The following ABCG8 variants were observed in gnomAD, a reference collection of about 807,000 sequenced individuals.
The protein encoded by ABCG8 is ATP binding cassette subfamily G member 8.
In ABCG8, 81 loss-of-function variants were observed where a neutral mutation model predicts 71.3. That is an observed-to-expected ratio of 1.14 (90% CI 0.95 to 1.37). ABCG8 has a LOEUF of 1.37. Ranked by LOEUF, ABCG8 falls within the 40% of genes most tolerant of loss-of-function variation. ABCG8 has a pLI of 0.00. For synonymous variants in ABCG8, 451 were observed against 354.7 expected, an observed-to-expected ratio of 1.27 and a Z score of -3.05; for missense variants, 1,119 against 866.2, an observed-to-expected ratio of 1.29 and a Z score of -3.66.
At chr2:43,863,254 G>A (rs1487453648) in intron 6 of ABCG8, among the ~76,000 whole-genome samples, 2 of 135,428 alleles carry the variant, frequency 1.5e-5, no homozygotes, top group East Asian at 4.3e-4. Context: ...TCTCACCATC[G>A]GGATAGAATT....
intron 2 of ABCG8, 103 bp from the exon 3 acceptor site, chr2:43,846,052 C>T: frequency 7.9e-7 from 1 of 1,264,164 alleles, no homozygotes; most frequent in Non-Finnish European, 1.2e-6. Flanking sequence ...GACATATCCT[C>T]TGTGGAGAGG....
intron 3 of ABCG8, chr2:43,848,121 A>T (rs190323369): frequency 2.6e-5 from 4 of 151,834 alleles, no homozygotes; most frequent in African/African-American, 9.7e-5. Context: ...TTGCCTGTGT[A>T]AAAAAAACAA....
chr2:43,854,117 A>C (rs183345621), intron 6 of ABCG8, among the ~76,000 whole-genome samples: 300 of 152,350 alleles, frequency 2.0e-3, no homozygotes, highest in African/African-American at 7.0e-3. Flanking sequence ...AGCAAACCTG[A>C]AAACTCTTTT....
At chr2:43,858,333 G>A (rs1290337360) in intron 6 of ABCG8, among the ~76,000 whole-genome samples, 3 of 148,988 alleles carry the variant, frequency 2.0e-5, no homozygotes, top group African/African-American at 5.0e-5. Context: ...TTTCTTGATA[G>A]AACTCTTACT....
Position 43,851,760 on chromosome 2 carries a change from T to C in ABCG8, c.499T>C (p.Leu167=). 1 of 1,614,244 alleles carries C rather than the reference T, an allele frequency of 6.2e-7. No homozygotes were observed. Residue 167 remains leucine, a synonymous_variant, in exon 4 of 13, where the codon TTG becomes CTG. Transcript: ENST00000272286. ...CCCCAACTTGACTGTGCGAGAGACC[T>C]TGGCCTTCATTGCCCAGATGCGGCT... ...LLPNLTVRET[L]AFIAQMRLPR... is the part of the protein sequence containing the mutation.
chr2:43,856,913 T>C (rs113723868), intron 6 of ABCG8, among the ~76,000 whole-genome samples: 8,156 of 149,162 alleles, frequency 0.055, 267 homozygotes, highest in Middle Eastern at 0.13. Flanking sequence ...CTGGATAGAA[T>C]TCTCACTATC....
At position 43,877,795 on chromosome 2, in the gene ABCG8, TG is replaced by T. The variant is rs749336638; in HGVS notation, c.1906del (p.Asp636ThrfsTer27). 3 of 1,614,180 alleles carry T rather than the reference TG, an allele frequency of 1.9e-6. No individual in the cohort carries two copies. In the South Asian group the frequency reaches 3.3e-5, roughly 18 times the overall value. ...CTCCAGATCCTCAGTGTCATGGAGC[TG>T]GACTCGTACCCTCTCTACGCCATCT... ...SGDKILSVME[L>X]DSYPLYAIYL... On this transcript the variant is annotated frameshift_variant, in exon 13 of 13. Transcript: ENST00000272286. LOFTEE classifies it high-confidence loss of function.
At chr2:43,853,554 G>A (rs1193313408) in intron 6 of ABCG8, among the ~76,000 whole-genome samples, 3 of 152,138 alleles carry the variant, frequency 2.0e-5, no homozygotes, top group African/African-American at 7.2e-5. Context: ...GCTATAGGTC[G>A]CCTGAGCCCC....
intron 6 of ABCG8, among the ~76,000 whole-genome samples, chr2:43,864,428 A>G (rs976151161): frequency 7.2e-5 from 11 of 151,734 alleles, no homozygotes; most frequent in African/African-American, 2.7e-4. Context: ...CACCATCTGA[A>G]TAGAACTGTC....
intron 6 of ABCG8, among the ~76,000 whole-genome samples, chr2:43,855,763 T>C (rs72796762): frequency 0.054 from 8,189 of 152,216 alleles, 269 homozygotes; most frequent in Middle Eastern, 0.11. Context: ...ACCATCTAAA[T>C]ATAATTCTCA....
At chr2:43,854,024 G>A (rs911945740) in intron 6 of ABCG8, among the ~76,000 whole-genome samples, 1 of 152,242 alleles carries the variant, frequency 6.6e-6, no homozygotes, top group Non-Finnish European at 1.5e-5. Flanking sequence ...CAGAATAGGG[G>A]CCAAAAGGCA....
chr2:43,875,432 G>T lies in ABCG8; in HGVS notation c.1756+19G>T, dbSNP rs766528203. The T allele has an allele frequency of 1.1e-5, 17 of 1,608,926 alleles. No homozygotes were observed. The highest frequency in any genetic ancestry group is 2.2e-5 in the East Asian group (1 of 44,792). On this transcript the variant is annotated intron_variant, in intron 11 of 12. Coordinates refer to ENST00000272286, the MANE Select transcript of ABCG8 (RefSeq NM_022437.3). ...TGGACAGGTAAGGCCTGCCCCCGGG[G>T]CCTGGGCCAGCTTTGTTAGGACTCA... is the stretch of plus-strand genomic sequence containing the variant.
chr2:43,873,891 G>A lies in ABCG8; in HGVS notation c.1316G>A (p.Gly439Glu). ...ATCGGCTTCCTCTATTTTGGCCATG[G>A]GAGCATCCAGCTCTCCTTCATGGAT... ...MTIGFLYFGH[G>E]SIQLSFMDTA... is the part of the protein sequence containing the mutation. The change falls in exon 9 of 13, where the codon GGG becomes GAG. Residue 439 changes from glycine to glutamate, a missense_variant. By Grantham distance (98) the Gly-to-Glu change is moderately conservative. Transcript: ENST00000272286. 1.2e-6 allele frequency: 2 copies of A among 1,614,044 alleles called. No individual in the cohort carries two copies. The highest frequency in any genetic ancestry group is 2.2e-5 in the East Asian group (1 of 44,880).
chr2:43,863,775 T>C lies in ABCG8; in HGVS notation c.965-8201T>C, dbSNP rs193134248. 4.6e-5 allele frequency among the ~76,000 whole-genome samples: 7 copies of C among 151,462 alleles called. No individual in the cohort carries two copies. In the East Asian group the frequency reaches 1.4e-3, roughly 30 times the overall value. ...ATAGAACTCTTACTATCTATCTGGA[T>C]GGAATTCTCACTCTGTGGATAGGAC... is the stretch of plus-strand genomic sequence containing the variant. On this transcript the variant is annotated intron_variant, in intron 6 of 12. Coordinates refer to ENST00000272286, the MANE Select transcript of ABCG8 (RefSeq NM_022437.3).
chr2:43,843,783 G>A (rs893907098), intron 1 of ABCG8, among the ~76,000 whole-genome samples: 7 of 152,062 alleles, frequency 4.6e-5, no homozygotes, highest in South Asian at 2.1e-4. Context: ...GGTATCAGCC[G>A]ACACCATGAA....
At chr2:43,841,872 C>A (rs978084289) in intron 1 of ABCG8, among the ~76,000 whole-genome samples, 1 of 152,208 alleles carries the variant, frequency 6.6e-6, no homozygotes, top group Non-Finnish European at 1.5e-5. Context: ...TGCCTAAATC[C>A]GACCTGGGGA....
chr2:43,842,039 C>T (rs150265996), intron 1 of ABCG8, among the ~76,000 whole-genome samples: 8 of 151,968 alleles, frequency 5.3e-5, no homozygotes, highest in South Asian at 2.1e-4. Context: ...CAGAGTCTCA[C>T]GCTGTGGCCC....
chr2:43,878,119 C>A lies in ABCG8; in HGVS notation c.*206C>A. 1.4e-6 allele frequency: 1 copy of A among 696,866 alleles called. No homozygotes were observed. Among genetic ancestry groups the A allele is most frequent in the Non-Finnish European group, 2.4e-6 (1 of 413,592 alleles). The allele number at this position is 696,866 out of a possible 1,614,324, so 43.2% of individuals were successfully genotyped here. A position where few individuals can be genotyped will look rare whatever the true frequency, so the allele number is the denominator to read the frequency against. ...GTCGAAAGGGATTTCTGCTCACTGG[C>A]AGGAGACTGCGATGACTGGGAGAAA... On this transcript the variant is annotated 3_prime_UTR_variant, in exon 13 of 13. Transcript: ENST00000272286.
rs186544012 is a variant in ABCG8, at chr2:43,880,029, T to G, written c.*2116T>G. 1 of 152,284 alleles carries G rather than the reference T, an allele frequency of 6.6e-6. No individual in the cohort carries two copies. The highest frequency in any genetic ancestry group is 1.9e-4 in the East Asian group (1 of 5,188). 9.4% of individuals were successfully genotyped at this position (152,284 alleles called of 1,614,324 possible). A position where few individuals can be genotyped will look rare whatever the true frequency, so the allele number is the denominator to read the frequency against. Reference sequence around the variant, plus strand: ...AATTCCCATTGTATCCTTACAACCCTTTATTATTGTGATTAATTCTGATGC... The same window carrying G: ...AATTCCCATTGTATCCTTACAACCCGTTATTATTGTGATTAATTCTGATGC... On this transcript the variant is annotated 3_prime_UTR_variant, in exon 13 of 13. Transcript: ENST00000272286.
Sources: gnomAD v4.1 joint callset for allele counts (sites outside exome capture counted in the v4.1 genomes callset) on GRCh38, gnomAD v4.1.1 for gene constraint, MANE v1.5 for transcripts, NCBI Gene and HGNC (gene_info 2026-07-23, HGNC 2026-07-21) for gene names.